NFATC1: variants seen among roughly 807,000 people sequenced by gnomAD.
NFATC1 encodes the protein nuclear factor of activated T cells 1.
A neutral mutation model predicts 76.0 loss-of-function variants in NFATC1; 22 were observed. That is an observed-to-expected ratio of 0.29 (90% CI 0.21 to 0.41). NFATC1 has a LOEUF of 0.41. Among genes scored for constraint, NFATC1 ranks in the 10% least tolerant of loss-of-function variants. NFATC1 has a pLI of 1.00. For synonymous variants in NFATC1, 704 were observed against 613.1 expected, an observed-to-expected ratio of 1.15 and a Z score of -2.19; for missense variants, 1,357 against 1,337.7, an observed-to-expected ratio of 1.01 and a Z score of -0.23.
chr18:79,425,271 C>CTCTGTTTCTCTCCCTCTGTCTCTG (rs1555903020), intron 2 of NFATC1, among the ~76,000 whole-genome samples: 3 of 111,588 alleles, frequency 2.7e-5, no homozygotes, highest in Non-Finnish European at 4.3e-5. Flanking sequence ...GTCTCTGTCT[C>CTCTGTTTCTCTCCCTCTGTCTCTG]TCTCTCTGTC....
chr18:79,491,804 G>A (rs1357627623), intron 9 of NFATC1, among the ~76,000 whole-genome samples: 1 of 152,194 alleles, frequency 6.6e-6, no homozygotes, highest in Non-Finnish European at 1.5e-5. Flanking sequence ...GCCAGCGTCT[G>A]GGATGTCCTC....
At chr18:79,451,963 C>T (rs1213007900) in intron 6 of NFATC1, 147 bp downstream of exon 6, 7 of 916,622 alleles carry the variant, frequency 7.6e-6, no homozygotes, top group Middle Eastern at 3.6e-4. Context: ...CTGCGTGGCC[C>T]GTGTCTGCAT....
chr18:79,431,387 T>C (rs1025686431), intron 2 of NFATC1, among the ~76,000 whole-genome samples: 1 of 152,172 alleles, frequency 6.6e-6, no homozygotes, highest in Non-Finnish European at 1.5e-5. Context: ...GACAGAGTCT[T>C]GCCCTGTCGC....
chr18:79,520,108 A>C lies in NFATC1; in HGVS notation c.2783-7420A>C, dbSNP rs867371318. Among the ~76,000 whole-genome samples, 16 of 152,278 alleles carry C rather than the reference A, an allele frequency of 1.1e-4. No homozygotes were observed. In the South Asian group the frequency reaches 2.9e-3, roughly 28 times the overall value. The stretch of plus-strand genomic sequence containing the variant: ...GGAAGTCAGATTTAAAATGGAATCA[A>C]AACTGGTAGAATGAGGGTCTGCAGG... On this transcript the variant is annotated intron_variant, in intron 9 of 9. Transcript: ENST00000427363.
chr18:79,522,773 G>A (rs575353406), intron 9 of NFATC1, among the ~76,000 whole-genome samples: 1 of 152,134 alleles, frequency 6.6e-6, no homozygotes, highest in Non-Finnish European at 1.5e-5. Flanking sequence ...GCTGGGCAGG[G>A]TGGGAACCCT....
chr18:79,432,440 C>G (rs1022887200), intron 2 of NFATC1, among the ~76,000 whole-genome samples: 8 of 63,050 alleles, frequency 1.3e-4, no homozygotes, highest in African/African-American at 5.4e-4. Context: ...GGGCCCTGGA[C>G]TGCCTCTGCC....
rs1453187903 is a variant in NFATC1, at chr18:79,400,353, G to C, written c.127+4002G>C. 3 of 1,380,398 alleles carry C rather than the reference G, an allele frequency of 2.2e-6. No homozygotes were observed. In the African/African-American group the frequency reaches 5.0e-5, roughly 23 times the overall value. 85.5% of individuals were successfully genotyped at this position (1,380,398 alleles called of 1,614,324 possible). The stretch of plus-strand genomic sequence containing the variant: ...CGGGAGAACCGAACCCCTGGCGGCC[G>C]CGACCCCGGCTCCCGCCCCGGCCCC... On this transcript the variant is annotated intron_variant, in intron 1 of 9. Coordinates refer to ENST00000427363, the MANE Select transcript of NFATC1 (RefSeq NM_001278669.2).
intron 9 of NFATC1, chr18:79,493,447 C>T (rs1057337361): frequency 4.6e-5 from 7 of 152,252 alleles, no homozygotes; most frequent in Non-Finnish European, 8.8e-5. Flanking sequence ...GGCGCCTCCC[C>T]GTGTCCCCTG....
chr18:79,440,412 G>A (rs535375007), intron 3 of NFATC1, among the ~76,000 whole-genome samples: 1 of 152,348 alleles, frequency 6.6e-6, no homozygotes, highest in African/African-American at 2.4e-5. Context: ...GTCACCTGGA[G>A]ACCACATGAG....
chr18:79,406,472 G>T (rs573766175), intron 1 of NFATC1, among the ~76,000 whole-genome samples: 1 of 152,078 alleles, frequency 6.6e-6, no homozygotes, highest in Non-Finnish European at 1.5e-5. Context: ...CCTCAGTTCC[G>T]CTGCTGTGCT....
intron 9 of NFATC1, among the ~76,000 whole-genome samples, chr18:79,506,279 G>T (rs1045839480): frequency 4.6e-5 from 7 of 152,164 alleles, no homozygotes; most frequent in Non-Finnish European, 1.0e-4. Flanking sequence ...GCGGCTGTGG[G>T]CACCTGCGTG....
At chr18:79,414,020 C>A (rs1456431829) in intron 2 of NFATC1, among the ~76,000 whole-genome samples, 1 of 152,188 alleles carries the variant, frequency 6.6e-6, no homozygotes, top group Non-Finnish European at 1.5e-5. Context: ...TTGCAGTTAA[C>A]CTTTTCCCAC....
chr18:79,450,794 T>C lies in NFATC1; in HGVS notation c.1590-160T>C, dbSNP rs111463569. 4.1e-4 allele frequency among the ~76,000 whole-genome samples: 62 copies of C among 152,334 alleles called. 1 individual carries two copies. The highest frequency in any genetic ancestry group is 1.3e-3 in the African/African-American group (55 of 41,578). ...GCACTAGGCAAGGGCCTCACGTCGCTGGCTTCAAGGTCTTGTTTTCCTTGG... is the reference window on the plus strand; with the variant it reads ...GCACTAGGCAAGGGCCTCACGTCGCCGGCTTCAAGGTCTTGTTTTCCTTGG... On this transcript the variant is annotated intron_variant, in intron 4 of 9. Coordinates refer to ENST00000427363, the MANE Select transcript of NFATC1 (RefSeq NM_001278669.2).
At chr18:79,485,013 G>A (rs2089453714) in intron 8 of NFATC1, among the ~76,000 whole-genome samples, 1 of 152,244 alleles carries the variant, frequency 6.6e-6, no homozygotes, top group South Asian at 2.1e-4. Flanking sequence ...TCAAGCCCGG[G>A]GCTAAATATT....
intron 9 of NFATC1, among the ~76,000 whole-genome samples, chr18:79,515,404 C>T (rs1002929589): frequency 1.3e-5 from 2 of 151,354 alleles, no homozygotes; most frequent in African/African-American, 4.9e-5. Context: ...GGTCTCCAGC[C>T]ACCTCCTTTG....
chr18:79,419,515 GC>G (rs1207461026), intron 2 of NFATC1, among the ~76,000 whole-genome samples: 2 of 146,108 alleles, frequency 1.4e-5, no homozygotes, highest in Non-Finnish European at 3.1e-5. Context: ...CTGCCCGGGA[GC>G]CCCCCTAGGA....
At chr18:79,467,727 G>A (rs1462828740) in intron 8 of NFATC1, 145 bp downstream of exon 8, 4 of 1,285,856 alleles carry the variant, frequency 3.1e-6, no homozygotes, top group Non-Finnish European at 3.0e-6. Context: ...CCGAGCCATC[G>A]ATGCCCTGAA....
At chr18:79,421,895 G>C (rs1412055375) in intron 2 of NFATC1, 1 of 152,298 alleles carries the variant, frequency 6.6e-6, no homozygotes, top group Non-Finnish European at 1.5e-5. Context: ...CCGACCCCGA[G>C]GGCCAAGGGT....
intron 8 of NFATC1, among the ~76,000 whole-genome samples, chr18:79,473,725 G>C (rs1173024771): frequency 1.4e-5 from 2 of 146,366 alleles, no homozygotes; most frequent in African/African-American, 5.1e-5. Flanking sequence ...AGGGAAGCGT[G>C]TTCTCACACT....
Sources: gnomAD v4.1 joint callset for allele counts (sites outside exome capture counted in the v4.1 genomes callset) on GRCh38, gnomAD v4.1.1 for gene constraint, MANE v1.5 for transcripts, NCBI Gene and HGNC (gene_info 2026-07-23, HGNC 2026-07-21) for gene names.